Variants in SNTB2 observed in about 807,000 individuals in gnomAD.
SNTB2 encodes the protein beta-2-syntrophin.
SNTB2 carries 34 observed loss-of-function variants against 46.2 expected under a neutral mutation model. The ratio of observed to expected loss-of-function variants is 0.74; its 90% CI spans 0.56 to 0.98. SNTB2 has a LOEUF of 0.98. Ranked by LOEUF, SNTB2 falls within the 50% of genes least tolerant of loss-of-function variation. The pLI is 0.00. For missense variants in SNTB2, 603 were observed against 731.4 expected (o/e 0.82, Z 2.02); for synonymous variants, 290 against 312.6 (o/e 0.93, Z 0.76).
At position 69,187,250 on chromosome 16, in the gene SNTB2, G is replaced by A; in HGVS notation, c.84G>A (p.Val28=). The change falls in exon 1 of 7, where the codon GTG becomes GTA. Residue 28 remains valine, a synonymous_variant. Transcript: ENST00000336278. ...CGCGGGCCACCAAAGCGGGGCTGGT[G>A]GAGCTGCTCCTGAGGGAGCGCTGGG... ...VWTRATKAGL[V]ELLLRERWVR... is the part of the protein sequence containing the mutation. 6.8e-7 allele frequency: 1 copy of A among 1,480,928 alleles called. No homozygotes were observed. Among genetic ancestry groups the A allele is most frequent in the Non-Finnish European group, 8.9e-7 (1 of 1,119,676 alleles). 91.7% of individuals were successfully genotyped at this position (1,480,928 alleles called of 1,614,324 possible). A position where few individuals can be genotyped will look rare whatever the true frequency, so the allele number is the denominator to read the frequency against.
chr16:69,217,317 T>C (rs1156532440), intron 1 of SNTB2, among the ~76,000 whole-genome samples: 2 of 151,890 alleles, frequency 1.3e-5, no homozygotes, highest in African/African-American at 4.8e-5. Context: ...CTACAAAAAA[T>C]ACAAAAATTA....
At chr16:69,293,838 G>A (rs1433536996) in intron 5 of SNTB2, among the ~76,000 whole-genome samples, 2 of 152,092 alleles carry the variant, frequency 1.3e-5, no homozygotes, top group African/African-American at 4.8e-5. Flanking sequence ...CCTGGAAGAG[G>A]GACAGATGGA....
At chr16:69,223,820 C>T (rs977102294) in intron 1 of SNTB2, among the ~76,000 whole-genome samples, 5 of 152,068 alleles carry the variant, frequency 3.3e-5, no homozygotes, top group Admixed American at 6.6e-5. Flanking sequence ...TTTGTAGAGA[C>T]GGGGTTTCAC....
intron 4 of SNTB2, 114 bp downstream of exon 4, chr16:69,270,399 A>G: frequency 1.5e-6 from 2 of 1,310,658 alleles, no homozygotes; most frequent in Non-Finnish European, 2.1e-6. Flanking sequence ...TAAGTAGCGG[A>G]TATAGTTGAT....
chr16:69,279,049 CA>C (rs1392702493), intron 4 of SNTB2, among the ~76,000 whole-genome samples: 1 of 152,036 alleles, frequency 6.6e-6, no homozygotes, highest in Admixed American at 6.6e-5. Context: ...CAAAATTTAC[CA>C]TCTAATTATT....
intron 1 of SNTB2, among the ~76,000 whole-genome samples, chr16:69,239,375 G>T (rs1367999680): frequency 6.6e-6 from 1 of 151,556 alleles, no homozygotes; most frequent in Non-Finnish European, 1.5e-5. Context: ...TTCCCCTTAA[G>T]GTATACAGTT....
At chr16:69,250,282 T>C (rs1056209527) in intron 2 of SNTB2, among the ~76,000 whole-genome samples, 4 of 152,202 alleles carry the variant, frequency 2.6e-5, no homozygotes, top group African/African-American at 9.7e-5. Flanking sequence ...AATGTGAACA[T>C]CTGTGTGTCT....
At chr16:69,258,669 T>C (rs1311646975) in intron 2 of SNTB2, among the ~76,000 whole-genome samples, 2 of 145,300 alleles carry the variant, frequency 1.4e-5, no homozygotes, top group Non-Finnish European at 3.0e-5. Flanking sequence ...TGGAGTGCAG[T>C]GGTGCAATCT....
chr16:69,270,405 T>A, intron 4 of SNTB2, 120 bp downstream of exon 4: 1 of 1,244,574 alleles, frequency 8.0e-7, no homozygotes, highest in East Asian at 2.5e-5. Context: ...GCGGATATAG[T>A]TGATGCAGAC....
chr16:69,278,551 G>A (rs1189317893), intron 4 of SNTB2, among the ~76,000 whole-genome samples: 1 of 151,706 alleles, frequency 6.6e-6, no homozygotes, highest in Non-Finnish European at 1.5e-5. Context: ...CACCTCCTGG[G>A]TTCAAGCGAT....
At chr16:69,211,470 C>A (rs1964285965) in intron 1 of SNTB2, among the ~76,000 whole-genome samples, 1 of 141,266 alleles carries the variant, frequency 7.1e-6, no homozygotes, top group Non-Finnish European at 1.5e-5. Flanking sequence ...GTGGGAGAAT[C>A]ATTTGAACCC....
At chr16:69,253,732 T>A (rs1964747101) in intron 2 of SNTB2, among the ~76,000 whole-genome samples, 1 of 152,154 alleles carries the variant, frequency 6.6e-6, no homozygotes, top group Non-Finnish European at 1.5e-5. Context: ...TTCAGCCCAG[T>A]GGTCCCGGTA....
intron 2 of SNTB2, among the ~76,000 whole-genome samples, chr16:69,247,316 T>G (rs1174936270): frequency 6.6e-6 from 1 of 152,186 alleles, no homozygotes; most frequent in Non-Finnish European, 1.5e-5. Flanking sequence ...TCTATAACTT[T>G]GTCTTCATTA....
chr16:69,200,923 G>A (rs953590748), intron 1 of SNTB2, among the ~76,000 whole-genome samples: 7 of 152,188 alleles, frequency 4.6e-5, no homozygotes, highest in African/African-American at 1.7e-4. Flanking sequence ...TTTTCTTCTT[G>A]TGGGGTAATG....
In SNTB2 at chr16:69,274,089, G is replaced by A. The variant is rs961005416; in HGVS notation, c.1148+3804G>A. On this transcript the variant is annotated intron_variant, in intron 4 of 6. Coordinates refer to ENST00000336278, the MANE Select transcript of SNTB2 (RefSeq NM_006750.4). ...AGCACTTTGGGAGGCCGAGGCTGGC[G>A]GATCACGAGGTCAGGAGTTCAAGAC... Among the ~76,000 whole-genome samples, 81 of 152,076 alleles carry A rather than the reference G, an allele frequency of 5.3e-4. 1 individual carries two copies. The highest frequency in any genetic ancestry group is 2.6e-3 in the Admixed American group (40 of 15,274).
At chr16:69,243,231 C>T (rs946699139) in intron 1 of SNTB2, among the ~76,000 whole-genome samples, 1 of 152,120 alleles carries the variant, frequency 6.6e-6, no homozygotes, top group African/African-American at 2.4e-5. Context: ...AAAGGCTCTG[C>T]TTATCCAGCC....
At chr16:69,295,986 A>C (rs1351228039) in intron 5 of SNTB2, among the ~76,000 whole-genome samples, 1 of 152,212 alleles carries the variant, frequency 6.6e-6, no homozygotes, top group Non-Finnish European at 1.5e-5. Context: ...TTAATTATAC[A>C]TTTTAAACTA....
intron 1 of SNTB2, among the ~76,000 whole-genome samples, chr16:69,229,629 A>G (rs1183691208): frequency 2.7e-5 from 4 of 150,664 alleles, no homozygotes; most frequent in African/African-American, 9.7e-5. Context: ...CACGAGGTCA[A>G]GAGATTGAGA....
In SNTB2 at chr16:69,287,056, T is replaced by C. The variant is rs562461667; in HGVS notation, c.1345+2812T>C. Among the ~76,000 whole-genome samples the C allele has an allele frequency of 2.6e-5, 4 of 152,326 alleles. No homozygotes were observed. In the South Asian group the frequency reaches 6.2e-4, roughly 24 times the overall value. On this transcript the variant is annotated intron_variant, in intron 5 of 6. Coordinates refer to ENST00000336278, the MANE Select transcript of SNTB2 (RefSeq NM_006750.4). Reference sequence around the variant, plus strand: ...AAATAGGAGTTACTCTACAAAAGTTTGAAAATGTGTGCCCAACACTTACTC... The same window carrying C: ...AAATAGGAGTTACTCTACAAAAGTTCGAAAATGTGTGCCCAACACTTACTC...
Sources: allele counts gnomAD v4.1 joint callset (sites outside exome capture counted in the v4.1 genomes callset), GRCh38; gene constraint gnomAD v4.1.1; transcripts MANE v1.5; gene names NCBI Gene and HGNC (gene_info 2026-07-23, HGNC 2026-07-21).